The following NOS1AP variants were observed in gnomAD, a reference collection of about 807,000 sequenced individuals.
NOS1AP encodes nitric oxide synthase 1 adaptor protein.
Under a neutral mutation model 56.2 loss-of-function variants are expected in NOS1AP, and 21 were observed. That is an observed-to-expected ratio of 0.37 (90% CI 0.26 to 0.54). The LOEUF (loss-of-function observed/expected upper bound fraction) is 0.54. Among genes scored for constraint, NOS1AP ranks in the 20% least tolerant of loss-of-function variants. NOS1AP has a pLI of 0.84. For missense variants in NOS1AP, 522 were observed against 657.8 expected, an observed-to-expected ratio of 0.79 and a Z score of 2.26; for synonymous variants, 270 against 274.6, an observed-to-expected ratio of 0.98 and a Z score of 0.17.
chr1:162,136,496 A>G (rs1235253020), intron 1 of NOS1AP, among the ~76,000 whole-genome samples: 1 of 152,188 alleles, frequency 6.6e-6, no homozygotes, highest in Non-Finnish European at 1.5e-5. Context: ...TCATATGGAA[A>G]AACATAGAAC....
chr1:162,350,435 C>G (rs1000692471), intron 6 of NOS1AP, among the ~76,000 whole-genome samples: 1 of 152,216 alleles, frequency 6.6e-6, no homozygotes, highest in African/African-American at 2.4e-5. Context: ...AGCAGCTGCC[C>G]TTGGCCATCC....
rs114612771 is a variant in NOS1AP at position 162,149,372 on chromosome 1, G to A, written c.106-5033G>A. ...AGGGTCTGCCTGAGTTCAGTTTACT[G>A]CAGAATTGCTTGAAGTTGAGCAGTT... On this transcript the variant is annotated intron_variant, in intron 1 of 9. Coordinates refer to ENST00000361897, the MANE Select transcript of NOS1AP (RefSeq NM_014697.3). Among the ~76,000 whole-genome samples, 1,265 of 152,274 alleles carry A rather than the reference G, an allele frequency of 8.3e-3. 8 individuals are homozygous for A. Among genetic ancestry groups the A allele is most frequent in the South Asian group, 0.022 (106 of 4,824 alleles).
intron 1 of NOS1AP, among the ~76,000 whole-genome samples, chr1:162,074,909 G>A (rs1467796200): frequency 6.6e-6 from 1 of 152,156 alleles, no homozygotes; most frequent in Non-Finnish European, 1.5e-5. Flanking sequence ...GTTTTCAGTA[G>A]GGGGTGTTCC....
chr1:162,130,608 GTAA>G, intron 1 of NOS1AP, among the ~76,000 whole-genome samples: 1 of 152,208 alleles, frequency 6.6e-6, no homozygotes, highest in East Asian at 1.9e-4. Flanking sequence ...TCCCATCAGA[GTAA>G]GACTTATTTA....
intron 2 of NOS1AP, among the ~76,000 whole-genome samples, chr1:162,255,124 C>T (rs562728348): frequency 2.7e-4 from 41 of 152,170 alleles, no homozygotes; most frequent in African/African-American, 9.2e-4. Flanking sequence ...CCTGGGGCTG[C>T]GGAGTCAGGA....
chr1:162,343,490 C>G (rs1235124327), intron 5 of NOS1AP, among the ~76,000 whole-genome samples: 5 of 152,202 alleles, frequency 3.3e-5, no homozygotes, highest in Non-Finnish European at 7.3e-5. Flanking sequence ...AGCCGAGTTC[C>G]TCTTAGTTTG....
intron 3 of NOS1AP, among the ~76,000 whole-genome samples, chr1:162,289,934 C>T (rs1428026167): frequency 6.6e-6 from 1 of 152,194 alleles, no homozygotes; most frequent in Non-Finnish European, 1.5e-5. Flanking sequence ...CTGTCTCTCC[C>T]ATGTACCTTT....
chr1:162,196,678 A>G (rs1651815604), intron 2 of NOS1AP, among the ~76,000 whole-genome samples: 1 of 152,220 alleles, frequency 6.6e-6, no homozygotes, highest in South Asian at 2.1e-4. Flanking sequence ...CCATTGCCAC[A>G]TGGACTGTGG....
chr1:162,277,987 T>A (rs557660705), intron 2 of NOS1AP, among the ~76,000 whole-genome samples: 436 of 152,346 alleles, frequency 2.9e-3, no homozygotes, highest in African/African-American at 0.01. Flanking sequence ...TTTGCACCTC[T>A]ATTTTTCACT....
intron 2 of NOS1AP, among the ~76,000 whole-genome samples, chr1:162,215,087 A>C (rs903602741): frequency 6.6e-6 from 1 of 152,188 alleles, no homozygotes; most frequent in Non-Finnish European, 1.5e-5. Context: ...AGCTTCTCCA[A>C]GATTTCTTGA....
intron 2 of NOS1AP, among the ~76,000 whole-genome samples, chr1:162,264,905 C>T (rs913754513): frequency 2.0e-5 from 3 of 151,216 alleles, no homozygotes; most frequent in Non-Finnish European, 4.4e-5. Context: ...CTTCCGCCTC[C>T]TAGGCTCAAG....
chr1:162,193,912 G>T (rs1651721021), intron 2 of NOS1AP, among the ~76,000 whole-genome samples: 2 of 151,914 alleles, frequency 1.3e-5, no homozygotes, highest in African/African-American at 4.8e-5. Flanking sequence ...TTACCTTTCT[G>T]TCTGAGCTAT....
At chr1:162,217,971 TAATC>T (rs1652638172) in intron 2 of NOS1AP, among the ~76,000 whole-genome samples, 1 of 152,190 alleles carries the variant, frequency 6.6e-6, no homozygotes, top group African/African-American at 2.4e-5. Flanking sequence ...ATCTCATAAA[TAATC>T]AAGAGAGGCA....
chr1:162,365,104 G>A (rs1658034708), intron 8 of NOS1AP: 2 of 1,359,210 alleles, frequency 1.5e-6, no homozygotes, highest in Admixed American at 3.1e-5. Context: ...GTGTGTGTGT[G>A]TGGCAGGTCT....
chr1:162,288,942 A>G (rs997265084), intron 3 of NOS1AP, among the ~76,000 whole-genome samples: 1 of 152,166 alleles, frequency 6.6e-6, no homozygotes, highest in Non-Finnish European at 1.5e-5. Context: ...CAGTCTTTAG[A>G]GTATTGTCCT....
In NOS1AP at chr1:162,214,764, C is replaced by T. The variant is rs192931799; in HGVS notation, c.177+60288C>T. ...CAGAACTACTATTTGGCCTAATTTT[C>T]GGTCTGGAAATAGCTACTATTTTCT... On this transcript the variant is annotated intron_variant, in intron 2 of 9. Coordinates refer to ENST00000361897, the MANE Select transcript of NOS1AP (RefSeq NM_014697.3). Among the ~76,000 whole-genome samples the T allele has an allele frequency of 7.6e-4, 115 of 152,182 alleles. 1 individual carries two copies. In the South Asian group the frequency reaches 0.015, roughly 20 times the overall value.
At chr1:162,116,725 A>G (rs1179962246) in intron 1 of NOS1AP, among the ~76,000 whole-genome samples, 1 of 152,228 alleles carries the variant, frequency 6.6e-6, no homozygotes, top group East Asian at 1.9e-4. Context: ...CTGAATTCAC[A>G]AATTGACATT....
At chr1:162,099,392 G>A (rs990167650) in intron 1 of NOS1AP, among the ~76,000 whole-genome samples, 9 of 151,922 alleles carry the variant, frequency 5.9e-5, no homozygotes, top group East Asian at 1.9e-4. Context: ...GGGTTTCACC[G>A]TGTTAGCCAG....
intron 1 of NOS1AP, among the ~76,000 whole-genome samples, chr1:162,110,336 C>G (rs1647664509): frequency 7.2e-6 from 1 of 139,528 alleles, no homozygotes; most frequent in South Asian, 2.1e-4. Context: ...TGAACACAGG[C>G]TCCAGGGTCT....
Sources: gnomAD v4.1 joint callset for allele counts (sites outside exome capture counted in the v4.1 genomes callset) on GRCh38, gnomAD v4.1.1 for gene constraint, MANE v1.5 for transcripts, NCBI Gene and HGNC (gene_info 2026-07-23, HGNC 2026-07-21) for gene names.